Variants in EPHB2 observed in about 807,000 individuals in gnomAD.
EPHB2 encodes the protein EPH receptor B2.
EPHB2 carries 18 observed loss-of-function variants against 96.4 expected under a neutral mutation model. The observed-to-expected ratio is 0.19, with a 90% CI of 0.13 to 0.28. EPHB2 has a LOEUF of 0.28. Among genes scored for constraint, EPHB2 ranks in the 10% least tolerant of loss-of-function variants. EPHB2 has a pLI of 1.00. For synonymous variants in EPHB2, 506 were observed against 534.1 expected (o/e 0.95, Z 0.72); for missense variants, 989 against 1,355.4 (o/e 0.73, Z 4.25).
At chr1:22,912,639 C>A (rs1376827657) in intron 15 of EPHB2, 40 bp downstream of exon 15, 1 of 1,609,906 alleles carries the variant, frequency 6.2e-7, no homozygotes, top group African/African-American at 1.3e-5. Context: ...CTTAGCACCC[C>A]CTCTCCACCG....
chr1:22,819,205 G>GTCTCTCTC (rs71020453), intron 3 of EPHB2, among the ~76,000 whole-genome samples: 11,954 of 103,182 alleles, frequency 0.12, 1,380 homozygotes, highest in East Asian at 0.17. Flanking sequence ...CCCAGCAGAT[G>GTCTCTCTC]TCTCTCTCTC....
chr1:22,715,237 G>C (rs897257859), intron 1 of EPHB2, among the ~76,000 whole-genome samples: 1 of 152,216 alleles, frequency 6.6e-6, no homozygotes, highest in Admixed American at 6.5e-5. Context: ...AATCAAGGAG[G>C]TCTTCCTGGA....
At chr1:22,762,797 G>C (rs1421254989) in intron 1 of EPHB2, among the ~76,000 whole-genome samples, 1 of 152,152 alleles carries the variant, frequency 6.6e-6, no homozygotes, top group East Asian at 1.9e-4. Flanking sequence ...CTGTGAAATG[G>C]GAGTGTGATG....
At chr1:22,862,937 C>T in intron 3 of EPHB2, 100 bp from the exon 4 acceptor site, 1 of 1,492,526 alleles carries the variant, frequency 6.7e-7, no homozygotes, top group Non-Finnish European at 9.3e-7. Context: ...TGCATGGCCC[C>T]TCCGCGAGGC....
intron 7 of EPHB2, 93 bp downstream of exon 7, chr1:22,893,139 A>G (rs1406821244): frequency 1.3e-6 from 2 of 1,596,826 alleles, no homozygotes; most frequent in Admixed American, 1.7e-5. Flanking sequence ...CTTTGTGCAG[A>G]TTAGAAAAGG....
chr1:22,864,309 G>A (rs1638392033), intron 4 of EPHB2, among the ~76,000 whole-genome samples: 2 of 152,248 alleles, frequency 1.3e-5, no homozygotes, highest in South Asian at 4.1e-4. Context: ...GCCTCCCAAA[G>A]TGCTGGGATT....
chr1:22,873,067 A>G (rs975467940), intron 5 of EPHB2, among the ~76,000 whole-genome samples: 2 of 152,224 alleles, frequency 1.3e-5, no homozygotes, highest in Non-Finnish European at 2.9e-5. Flanking sequence ...TTCTAGGAAG[A>G]AAAATAACAG....
chr1:22,723,308 C>T (rs1446748714), intron 1 of EPHB2, among the ~76,000 whole-genome samples: 2 of 152,256 alleles, frequency 1.3e-5, no homozygotes, highest in Non-Finnish European at 1.5e-5. Flanking sequence ...TTTTGGAACC[C>T]ACGAAAGGCC....
At chr1:22,781,594 C>A (rs1644534017) in intron 2 of EPHB2, 109 bp downstream of exon 2, 7 of 1,116,732 alleles carry the variant, frequency 6.3e-6, no homozygotes, top group Non-Finnish European at 9.3e-6. Context: ...TCTTCAGGAC[C>A]CAGAGCCAGG....
At chr1:22,862,845 AG>A in intron 3 of EPHB2, among the ~76,000 whole-genome samples, 191 bp from the exon 4 acceptor site, 1 of 152,160 alleles carries the variant, frequency 6.6e-6, no homozygotes, top group East Asian at 1.9e-4. Context: ...GAAACTAGGG[AG>A]CCCTGACAGA....
chr1:22,757,539 T>G (rs1040397754), intron 1 of EPHB2, among the ~76,000 whole-genome samples: 13 of 152,146 alleles, frequency 8.5e-5, no homozygotes, highest in Non-Finnish European at 1.8e-4. Context: ...AGCCTCAATT[T>G]TCTCATCTGT....
chr1:22,841,572 G>C (rs1645469692), intron 3 of EPHB2, among the ~76,000 whole-genome samples: 1 of 152,194 alleles, frequency 6.6e-6, no homozygotes, highest in Non-Finnish European at 1.5e-5. Flanking sequence ...CTCCCTCGAG[G>C]CTGTGGGGGT....
chr1:22,885,434 C>T (rs779133775), intron 6 of EPHB2, among the ~76,000 whole-genome samples: 5 of 152,214 alleles, frequency 3.3e-5, no homozygotes, highest in Admixed American at 6.5e-5. Context: ...ATCCCCAGGC[C>T]GCTGCTGGGG....
chr1:22,863,000 C>A (rs779211309), intron 3 of EPHB2, 37 bp from the exon 4 acceptor site: 1 of 1,613,650 alleles, frequency 6.2e-7, no homozygotes, highest in Non-Finnish European at 8.5e-7. Context: ...GAGTCTTCAT[C>A]CAGTTTCCTG....
In EPHB2 at chr1:22,896,401, C is replaced by G. The variant is rs1469309066; in HGVS notation, c.1701-13C>G. The G allele has an allele frequency of 3.7e-6, 6 of 1,614,116 alleles. No homozygotes were observed. Among genetic ancestry groups the G allele is most frequent in the Non-Finnish European group, 5.1e-6 (6 of 1,180,018 alleles). ...CTTCAGGTGGCTCCAGCCCTTTGCT[C>G]TTGTTCCAGAAGACGGGGGTTTGAG... On this transcript the variant is annotated splice_polypyrimidine_tract_variant and intron_variant, in intron 8 of 15. Coordinates refer to ENST00000374630, the MANE Select transcript of EPHB2 (RefSeq NM_017449.5).
chr1:22,858,620 C>T lies in EPHB2; in HGVS notation c.812-4417C>T, dbSNP rs1645741444. ...ACTTCTGCACGTGACATGCAGGTGC[C>T]AGCAGGACAGGTTCCCTTCCCACCC... On this transcript the variant is annotated intron_variant, in intron 3 of 15. Transcript: ENST00000374630. The surrounding 1 kb of genome is among the most constrained non-coding windows in gnomAD (Gnocchi z 7.7). Among the ~76,000 whole-genome samples the T allele has an allele frequency of 1.3e-5, 2 of 152,198 alleles. No individual in the cohort carries two copies. The highest frequency in any genetic ancestry group is 2.9e-5 in the Non-Finnish European group (2 of 68,030).
At chr1:22,900,136 A>T (rs1443411624) in intron 9 of EPHB2, among the ~76,000 whole-genome samples, 1 of 152,050 alleles carries the variant, frequency 6.6e-6, no homozygotes, top group Non-Finnish European at 1.5e-5. Context: ...TCTACTAAAA[A>T]TACAAAAATT....
intron 1 of EPHB2, among the ~76,000 whole-genome samples, chr1:22,764,023 A>G (rs1269888499): frequency 1.3e-5 from 2 of 152,312 alleles, no homozygotes; most frequent in African/African-American, 2.4e-5. Flanking sequence ...CTAATCCAGG[A>G]TAATCCCCAC....
At chr1:22,908,223 T>C in intron 12 of EPHB2, 55 bp downstream of exon 12, 1 of 1,598,278 alleles carries the variant, frequency 6.3e-7, no homozygotes, top group Non-Finnish European at 8.6e-7. Flanking sequence ...AGGGCATGAG[T>C]GTCCATCTCT....
Sources: allele counts gnomAD v4.1 joint callset (sites outside exome capture counted in the v4.1 genomes callset), GRCh38; gene constraint gnomAD v4.1.1; non-coding constraint Gnocchi (gnomAD v3.1); transcripts MANE v1.5; gene names NCBI Gene and HGNC (gene_info 2026-07-23, HGNC 2026-07-21).